Variants in UQCC1 observed in about 807,000 individuals in gnomAD.
UQCC1 encodes the protein ubiquinol-cytochrome c reductase complex assembly factor 1.
Under a neutral mutation model 48.0 loss-of-function variants are expected in UQCC1, and 38 were observed. The observed-to-expected ratio is 0.79, with a 90% CI of 0.61 to 1.04. The LOEUF (loss-of-function observed/expected upper bound fraction) is 1.04, where lower values mean the gene tolerates loss of function less well. Among genes scored for constraint, UQCC1 ranks in the 50% least tolerant of loss-of-function variants. UQCC1 has a pLI of 0.00. For synonymous variants in UQCC1, 111 were observed against 129.2 expected, an observed-to-expected ratio of 0.86 and a Z score of 0.95; for missense variants, 368 against 381.8, an observed-to-expected ratio of 0.96 and a Z score of 0.30.
At chr20:35,332,408 T>C (rs2061267211) in intron 7 of UQCC1, among the ~76,000 whole-genome samples, 1 of 152,256 alleles carries the variant, frequency 6.6e-6, no homozygotes, top group African/African-American at 2.4e-5. Context: ...GGGATTCCCA[T>C]GCTGGCTTTA....
intron 7 of UQCC1, among the ~76,000 whole-genome samples, chr20:35,341,218 C>CA (rs61675932): frequency 0.021 from 2,397 of 115,634 alleles, 84 homozygotes; most frequent in African/African-American, 0.075. Context: ...GAGACTCCGT[C>CA]AAAAAAAAAA....
At chr20:35,330,439 C>T (rs1263651828) in intron 7 of UQCC1, among the ~76,000 whole-genome samples, 1 of 152,200 alleles carries the variant, frequency 6.6e-6, no homozygotes, top group East Asian at 1.9e-4. Context: ...AAAATAAAAA[C>T]ACTGACTGCT....
At chr20:35,410,210 T>C (rs1488194213) in intron 1 of UQCC1, 1 of 152,138 alleles carries the variant, frequency 6.6e-6, no homozygotes, top group African/African-American at 2.4e-5. Context: ...TATTTTAAAG[T>C]GCTTAGCACG....
intron 7 of UQCC1, among the ~76,000 whole-genome samples, chr20:35,333,082 C>T (rs1283174561): frequency 6.6e-6 from 1 of 151,682 alleles, no homozygotes; most frequent in South Asian, 2.1e-4. Flanking sequence ...AATTGGATTA[C>T]AACAAAAGGC....
At chr20:35,345,278 G>C (rs1468371607) in intron 7 of UQCC1, 3 of 151,274 alleles carry the variant, frequency 2.0e-5, no homozygotes, top group Non-Finnish European at 4.5e-5. Context: ...GCTTGCAATT[G>C]GTGTGGCAAG....
chr20:35,314,734 A>C lies in UQCC1; in HGVS notation c.605T>G (p.Ile202Ser). The C allele has an allele frequency of 6.2e-7, 1 of 1,608,624 alleles. No homozygotes were observed. Among genetic ancestry groups the C allele is most frequent in the Non-Finnish European group, 8.5e-7 (1 of 1,175,748 alleles). The change falls in exon 8 of 10, where the codon ATC becomes AGC. Residue 202 changes from isoleucine (I) to serine (S), a missense_variant. Transcript: ENST00000374385. ...TGCATAGAAATGATTTGTCATGAGG[A>C]TCATGTTCTTCTTCAGGATATAGGG... ...VNPYILKKNMILMTNHFYAAI... is the reference protein window; with the variant it reads ...VNPYILKKNMSLMTNHFYAAI...
intron 2 of UQCC1, among the ~76,000 whole-genome samples, chr20:35,393,569 C>T (rs1414181589): frequency 2.0e-5 from 3 of 151,360 alleles, no homozygotes; most frequent in Non-Finnish European, 2.9e-5. Context: ...AAAATACTGA[C>T]GTTTTCAGAT....
At chr20:35,401,810 C>T (rs1463473374) in intron 1 of UQCC1, among the ~76,000 whole-genome samples, 3 of 151,666 alleles carry the variant, frequency 2.0e-5, no homozygotes, top group East Asian at 3.9e-4. Context: ...TACAGGTATG[C>T]GCCACCACGC....
At chr20:35,388,308 T>TTTTTTTTTTTTTTG (rs67663221) in intron 2 of UQCC1, among the ~76,000 whole-genome samples, 1 of 121,248 alleles carries the variant, frequency 8.2e-6, no homozygotes, top group African/African-American at 3.2e-5. Context: ...TCTTTTTTTT[T>TTTTTTTTTTTTTTG]GAGACAGGGT....
intron 6 of UQCC1, among the ~76,000 whole-genome samples, chr20:35,358,196 A>G (rs1489468887): frequency 6.6e-6 from 1 of 151,908 alleles, no homozygotes; most frequent in East Asian, 1.9e-4. Context: ...TCTACTAAAA[A>G]TACAAAAATT....
chr20:35,385,212 T>G (rs545606798), intron 2 of UQCC1, among the ~76,000 whole-genome samples: 1 of 152,046 alleles, frequency 6.6e-6, no homozygotes. Flanking sequence ...TGAAAGAAGG[T>G]AAGATATATA....
intron 7 of UQCC1, among the ~76,000 whole-genome samples, chr20:35,339,620 A>AG (rs1190870315): frequency 6.6e-6 from 1 of 152,202 alleles, no homozygotes; most frequent in Non-Finnish European, 1.5e-5. Flanking sequence ...AGATTAAACT[A>AG]GAAGAATGGG....
chr20:35,368,943 C>G (rs985463691), intron 5 of UQCC1, among the ~76,000 whole-genome samples: 1 of 152,176 alleles, frequency 6.6e-6, no homozygotes, highest in Non-Finnish European at 1.5e-5. Context: ...AACTCTGAAG[C>G]CCGGATCTGA....
intron 6 of UQCC1, among the ~76,000 whole-genome samples, chr20:35,363,972 T>C (rs1426591713): frequency 6.6e-6 from 1 of 152,040 alleles, no homozygotes; most frequent in Non-Finnish European, 1.5e-5. Flanking sequence ...CCCTGCACGA[T>C]TCCATTAGAA....
intron 7 of UQCC1, among the ~76,000 whole-genome samples, chr20:35,318,354 C>T (rs2061086153): frequency 6.6e-6 from 1 of 152,170 alleles, no homozygotes; most frequent in Non-Finnish European, 1.5e-5. Context: ...AGTGCTTTTC[C>T]TACTTTACCA....
intron 1 of UQCC1, among the ~76,000 whole-genome samples, chr20:35,410,492 G>A (rs1232934079): frequency 2.7e-5 from 4 of 148,398 alleles, no homozygotes; most frequent in East Asian, 2.0e-4. Flanking sequence ...AGATCACACC[G>A]CTGAACTCCA....
intron 2 of UQCC1, among the ~76,000 whole-genome samples, chr20:35,386,051 ATTG>A (rs2061939056): frequency 6.6e-6 from 1 of 152,070 alleles, no homozygotes; most frequent in African/African-American, 2.4e-5. Context: ...GATTATTATT[ATTG>A]TTAACAACAT....
At chr20:35,343,790 C>T (rs151266457) in intron 7 of UQCC1, among the ~76,000 whole-genome samples, 20 of 152,206 alleles carry the variant, frequency 1.3e-4, no homozygotes, top group Non-Finnish European at 2.8e-4. Flanking sequence ...GCAACATCCG[C>T]ATCACCTGGA....
At chr20:35,347,020 A>G (rs2061438506) in intron 7 of UQCC1, 144 bp downstream of exon 7, 1 of 1,580,958 alleles carries the variant, frequency 6.3e-7, no homozygotes, top group Non-Finnish European at 8.6e-7. Context: ...AGGCAGAAAA[A>G]GTGACTTTAG....
Sources: allele counts gnomAD v4.1 joint callset (sites outside exome capture counted in the v4.1 genomes callset), GRCh38; gene constraint gnomAD v4.1.1; transcripts MANE v1.5; gene names NCBI Gene and HGNC (gene_info 2026-07-23, HGNC 2026-07-21).